The following CNTN2 variants were observed in gnomAD, a reference collection of about 807,000 sequenced individuals.
The protein encoded by CNTN2 is contactin 2.
A neutral mutation model predicts 117.5 loss-of-function variants in CNTN2; 53 were observed. The ratio of observed to expected loss-of-function variants is 0.45; its 90% CI spans 0.36 to 0.57. CNTN2 has a LOEUF of 0.57. Ranked by LOEUF, CNTN2 falls within the 20% of genes least tolerant of loss-of-function variation. The probability of loss-of-function intolerance (pLI) is 0.00; values close to 1 mark genes in which losing one functional copy is unlikely to be tolerated. For missense variants in CNTN2, 1,106 were observed against 1,404.3 expected (o/e 0.79, Z 3.39); for synonymous variants, 530 against 561.7 (o/e 0.94, Z 0.80).
chr1:205,058,381 A>G lies in CNTN2; in HGVS notation c.391+25A>G, dbSNP rs1446097112. ...TGTGAGACCCGCGGGGGACCAAGAC[A>G]CTTTGGGGGAGGGGGAGAGGGGGCT... On this transcript the variant is annotated intron_variant, in intron 4 of 22. Coordinates refer to ENST00000331830, the MANE Select transcript of CNTN2 (RefSeq NM_005076.5). The surrounding 1 kb of genome is among the most constrained non-coding windows in gnomAD (Gnocchi z 4.3). 2.0e-6 allele frequency: 3 copies of G among 1,513,808 alleles called. No individual in the cohort carries two copies. The highest frequency in any genetic ancestry group is 1.4e-5 in the African/African-American group (1 of 71,898). 93.8% of individuals were successfully genotyped at this position (1,513,808 alleles called of 1,614,324 possible).
chr1:205,061,357 T>TA lies in CNTN2; in HGVS notation c.911dup (p.Tyr304Ter). 6.2e-7 allele frequency: 1 copy of TA among 1,613,788 alleles called. No homozygotes were observed. Among genetic ancestry groups the TA allele is most frequent in the African/African-American group, 1.3e-5 (1 of 75,010 alleles). Residue 304 changes from tyrosine to a stop codon, truncating the protein, a stop_gained and frameshift_variant, in exon 8 of 23, where the codon TAC becomes TAAC. Coordinates refer to ENST00000331830, the MANE Select transcript of CNTN2 (RefSeq NM_005076.5). LOFTEE classifies it high-confidence loss of function. This position sits in a 1 kb window ranked among gnomAD's most constrained non-coding sequence, Gnocchi z 4.8. ...PSVSFEDEGT[Y>*]ECEAENSKGR... is the part of the protein sequence containing the mutation. ...CGTCAGCTTTGAGGATGAGGGCACCTACGAGTGTGAGGCGGAGAACTCCAA... is the reference window on the plus strand; with the variant it reads ...CGTCAGCTTTGAGGATGAGGGCACCTAACGAGTGTGAGGCGGAGAACTCCAA...
Position 205,058,108 on chromosome 1 carries a change from T to C in CNTN2, c.215+43T>C. ...GGTGCTGGGAGGCCCTGGGCAGCCG[T>C]TGAACTTTCCCTCTCATCAGCCCTG... On this transcript the variant is annotated intron_variant, in intron 3 of 22. Transcript: ENST00000331830. This position sits in a 1 kb window ranked among gnomAD's most constrained non-coding sequence, Gnocchi z 4.3. The C allele has an allele frequency of 6.2e-7, 1 of 1,605,722 alleles. No homozygotes were observed. Among genetic ancestry groups the C allele is most frequent in the South Asian group, 1.1e-5 (1 of 90,060 alleles).
At position 205,071,966 on chromosome 1, in the gene CNTN2, G is replaced by A. The variant is rs1211430748; in HGVS notation, c.2564G>A (p.Gly855Glu). 9.3e-6 allele frequency: 15 copies of A among 1,612,386 alleles called. No homozygotes were observed. The highest frequency in any genetic ancestry group is 1.7e-5 in the Admixed American group (1 of 59,620). Residue 855 changes from glycine to glutamate, a missense_variant, in exon 20 of 23, where the codon GGG becomes GAG. Gly to Glu is a moderately conservative substitution (Grantham distance 98, BLOSUM62 -2). Coordinates refer to ENST00000331830, the MANE Select transcript of CNTN2 (RefSeq NM_005076.5). The stretch of plus-strand genomic sequence containing the variant: ...CTTCAGATCCGCTACTGGAAAGCTG[G>A]GGACAAAGAAGCAGCTGCGGACCGA... ...LGYEIRYWKA[G>E]DKEAAADRVR...
intron 2 of CNTN2, among the ~76,000 whole-genome samples, chr1:205,056,518 T>C (rs1653632842): frequency 6.6e-6 from 1 of 152,126 alleles, no homozygotes; most frequent in Non-Finnish European, 1.5e-5. Flanking sequence ...CTGCCCTCAC[T>C]CCCAGGGGGC....
intron 10 of CNTN2, among the ~76,000 whole-genome samples, chr1:205,063,907 A>AG (rs1654120626): frequency 1.3e-5 from 2 of 151,992 alleles, no homozygotes; most frequent in Admixed American, 1.3e-4. Flanking sequence ...AGAGAGAGAG[A>AG]GAAAAAAAAA....
In CNTN2 at chr1:205,061,801, TC is replaced by T; in HGVS notation, c.974-62del. 1.3e-6 allele frequency: 2 copies of T among 1,481,596 alleles called. No homozygotes were observed. The highest frequency in any genetic ancestry group is 9.0e-7 in the Non-Finnish European group (1 of 1,114,528). 91.8% of individuals were successfully genotyped at this position (1,481,596 alleles called of 1,614,324 possible). A position where few individuals can be genotyped will look rare whatever the true frequency, so the allele number is the denominator to read the frequency against. On this transcript the variant is annotated intron_variant, in intron 8 of 22. Transcript: ENST00000331830. The surrounding 1 kb of genome is among the most constrained non-coding windows in gnomAD (Gnocchi z 4.8). ...AGGTGCTGCTGCCCTGATTTTCTGT[TC>T]CTTTTAATGAGCTGGAAGCTCCTCC... is the stretch of plus-strand genomic sequence containing the variant.
At chr1:205,060,281 T>G (rs970033507) in intron 7 of CNTN2, 3 of 152,628 alleles carry the variant, frequency 2.0e-5, no homozygotes, top group African/African-American at 7.2e-5. Flanking sequence ...TAGCAGGTGC[T>G]CAATAAATGT....
At chr1:205,070,388 G>T in intron 18 of CNTN2, 38 bp from the exon 19 acceptor site, 1 of 1,434,612 alleles carries the variant, frequency 7.0e-7, no homozygotes, top group South Asian at 1.2e-5. Flanking sequence ...ACACAGGGGG[G>T]CCCTGGGAAT....
In CNTN2 at chr1:205,071,805, A is replaced by G; in HGVS notation, c.2545-142A>G. On this transcript the variant is annotated intron_variant, in intron 19 of 22. Transcript: ENST00000331830. ...ACATGGCCCTGCTGTCTGGGTGCTC[A>G]TGATCTAGTCTCCAGGTTCTGAGGC... The G allele has an allele frequency of 8.5e-6, 6 of 709,548 alleles. No individual in the cohort carries two copies. The South Asian group carries it at 1.3e-4, about 15-fold the overall frequency. 44.0% of individuals were successfully genotyped at this position (709,548 alleles called of 1,614,324 possible).
At position 205,065,623 on chromosome 1, in the gene CNTN2, T is replaced by C. The variant is rs750519366; in HGVS notation, c.1696-166T>C. On this transcript the variant is annotated intron_variant, in intron 13 of 22. Transcript: ENST00000331830. The surrounding 1 kb of genome is among the most constrained non-coding windows in gnomAD (Gnocchi z 4.1). ...TTTAGTCCCCAGTGGTTCTAAGTGA[T>C]GAGTCGTGATTCCTCCCATTGAGCA... 7.0e-6 allele frequency among the ~76,000 whole-genome samples: 1 copy of C among 143,794 alleles called. No individual in the cohort carries two copies. Among genetic ancestry groups the C allele is most frequent in the Non-Finnish European group, 1.6e-5 (1 of 63,214 alleles). The allele number at this position is 143,794 out of a possible 152,430, so 94.3% of individuals were successfully genotyped here.
chr1:205,059,630 A>G lies in CNTN2; in HGVS notation c.745A>G (p.Thr249Ala), dbSNP rs1191773782. ...CATCAAGGCCCGGTTCCCAGCAGAG[A>G]CCTATGCACTGGTGGGGCAGCAGGT... ...PSIKARFPAE[T>A]YALVGQQVTL... is the part of the protein sequence containing the mutation. Residue 249 changes from threonine (T) to alanine (A), a missense_variant, in exon 7 of 23, where the codon ACC becomes GCC. Coordinates refer to ENST00000331830, the MANE Select transcript of CNTN2 (RefSeq NM_005076.5). The surrounding 1 kb of genome is among the most constrained non-coding windows in gnomAD (Gnocchi z 5.6). The G allele has an allele frequency of 3.7e-6, 6 of 1,613,994 alleles. No homozygotes were observed. The highest frequency in any genetic ancestry group is 5.1e-6 in the Non-Finnish European group (6 of 1,180,006).
chr1:205,072,661 A>G, intron 21 of CNTN2, 66 bp downstream of exon 21: 1 of 1,205,408 alleles, frequency 8.3e-7, no homozygotes, highest in South Asian at 1.2e-5. Flanking sequence ...CAGTGAACAT[A>G]AGCAGCAGCA....
In CNTN2 at chr1:205,058,398, GA is replaced by G. The variant is rs757613995; in HGVS notation, c.391+43del. 10 of 1,533,016 alleles carry G rather than the reference GA, an allele frequency of 6.5e-6. No homozygotes were observed. Among genetic ancestry groups the G allele is most frequent in the Admixed American group, 3.9e-5 (2 of 51,138 alleles). 95.0% of individuals were successfully genotyped at this position (1,533,016 alleles called of 1,614,324 possible). A position where few individuals can be genotyped will look rare whatever the true frequency, so the allele number is the denominator to read the frequency against. On this transcript the variant is annotated intron_variant, in intron 4 of 22. Transcript: ENST00000331830. The surrounding 1 kb of genome is among the most constrained non-coding windows in gnomAD (Gnocchi z 4.3). ...ACCAAGACACTTTGGGGGAGGGGGA[GA>G]GGGGGCTAGGAGAAATTACTGAGAA...
Position 205,070,041 on chromosome 1 carries a change from T to C in CNTN2, c.2411T>C (p.Leu804Pro). 6.2e-7 allele frequency: 1 copy of C among 1,613,774 alleles called. No individual in the cohort carries two copies. The highest frequency in any genetic ancestry group is 8.5e-7 in the Non-Finnish European group (1 of 1,180,030). Residue 804 changes from leucine to proline, a missense_variant, in exon 18 of 23, where the codon CTC (leucine) becomes CCC (proline). Physicochemically the swap from Leu to Pro is moderately conservative, Grantham distance 98 (BLOSUM62 -3). Coordinates refer to ENST00000331830, the MANE Select transcript of CNTN2 (RefSeq NM_005076.5). ...RGDGPESLTA[L>P]VYSAEEEPRV... is the part of the protein sequence containing the mutation. The stretch of plus-strand genomic sequence containing the variant: ...GATGGGCCCGAGAGCCTCACTGCAC[T>C]CGTGTACTCAGCTGAGGAAGGTGGG...
intron 21 of CNTN2, 137 bp from the exon 22 acceptor site, chr1:205,072,931 A>G: frequency 1.1e-6 from 1 of 890,330 alleles, no homozygotes; most frequent in Non-Finnish European, 1.7e-6. Flanking sequence ...GAGCTTTGTC[A>G]ATGGGGAGGA....
Position 205,057,976 on chromosome 1 carries a change from G to C in CNTN2, c.126G>C (p.Gln42His). Residue 42 changes from glutamine to histidine, a missense_variant, in exon 3 of 23, where the codon CAG (glutamine) becomes CAC (histidine). By Grantham distance (24) the Gln-to-His change is conservative. Transcript: ENST00000331830. ...QTTFGPVFED[Q>H]PLSVLFPEES... is the part of the protein sequence containing the mutation. ...CCTTCGGGCCTGTCTTTGAAGACCA[G>C]CCCCTCAGTGTGCTATTCCCAGAGG... 6.2e-7 allele frequency: 1 copy of C among 1,614,162 alleles called. No homozygotes were observed. Among genetic ancestry groups the C allele is most frequent in the Non-Finnish European group, 8.5e-7 (1 of 1,180,036 alleles).
At position 205,058,448 on chromosome 1, in the gene CNTN2, G is replaced by C. The variant is rs536047902; in HGVS notation, c.391+92G>C. The C allele has an allele frequency of 4.5e-6, 7 of 1,538,656 alleles. No individual in the cohort carries two copies. The East Asian group carries it at 1.6e-4, about 36-fold the overall frequency. ...AAAGGATAAGGGACACCCTCAAGCCGGGCCTTCCTGACCTCACATGACATG... is the reference window on the plus strand; with the variant it reads ...AAAGGATAAGGGACACCCTCAAGCCCGGCCTTCCTGACCTCACATGACATG... On this transcript the variant is annotated intron_variant, in intron 4 of 22. Coordinates refer to ENST00000331830, the MANE Select transcript of CNTN2 (RefSeq NM_005076.5). This position sits in a 1 kb window ranked among gnomAD's most constrained non-coding sequence, Gnocchi z 4.3.
chr1:205,060,870 C>T (rs979292380), intron 7 of CNTN2: 4 of 212,180 alleles, frequency 1.9e-5, no homozygotes, highest in African/African-American at 4.6e-5. Flanking sequence ...GTAGAGGCAA[C>T]GGAAAAGAGA....
At chr1:205,071,872 C>T in intron 19 of CNTN2, 75 bp from the exon 20 acceptor site, 2 of 1,400,018 alleles carry the variant, frequency 1.4e-6, no homozygotes, top group South Asian at 1.4e-5. Context: ...AAGAGAGGAA[C>T]AGAATGTGGG....
Sources: gnomAD v4.1 joint callset for allele counts (sites outside exome capture counted in the v4.1 genomes callset) on GRCh38, gnomAD v4.1.1 for gene constraint, Gnocchi (gnomAD v3.1) non-coding constraint, MANE v1.5 for transcripts, NCBI Gene and HGNC (gene_info 2026-07-23, HGNC 2026-07-21) for gene names.